GALNT18: variants seen among roughly 807,000 people sequenced by gnomAD.
The protein encoded by GALNT18 is GalNAc-transferase 18.
A neutral mutation model predicts 69.5 loss-of-function variants in GALNT18; 44 were observed. The ratio of observed to expected loss-of-function variants is 0.63; its 90% CI spans 0.50 to 0.81. GALNT18 has a LOEUF of 0.81. Ranked by LOEUF, GALNT18 falls within the 40% of genes least tolerant of loss-of-function variation. The pLI, the probability that GALNT18 is intolerant of heterozygous loss-of-function variation, is 0.00. For missense variants in GALNT18, 715 were observed against 810.0 expected (o/e 0.88, Z 1.42); for synonymous variants, 364 against 318.2 (o/e 1.14, Z -1.53).
rs1858303999 is a variant in GALNT18, at chr11:11,555,298, T to C, written c.235+66061A>G. ...TGCAGGGTTCTCTGTTTTCAGGAGA[T>C]CTAGCTAGAGAGCATTTTCCTGACA... On this transcript the variant is annotated intron_variant, in intron 1 of 10. Coordinates refer to ENST00000227756, the MANE Select transcript of GALNT18 (RefSeq NM_198516.3). The surrounding 1 kb of genome is among the most constrained non-coding windows in gnomAD (Gnocchi z 4.7). Among the ~76,000 whole-genome samples the C allele has an allele frequency of 6.6e-6, 1 of 152,134 alleles. No homozygotes were observed. Among genetic ancestry groups the C allele is most frequent in the African/African-American group, 2.4e-5 (1 of 41,426 alleles).
chr11:11,307,532 G>A (rs1465135446), intron 9 of GALNT18, among the ~76,000 whole-genome samples: 1 of 152,158 alleles, frequency 6.6e-6, no homozygotes, highest in Non-Finnish European at 1.5e-5. Context: ...AAAACTGGCA[G>A]AGCTGGGATC....
At chr11:11,536,205 T>G (rs1317759114) in intron 1 of GALNT18, among the ~76,000 whole-genome samples, 1 of 152,168 alleles carries the variant, frequency 6.6e-6, no homozygotes, top group Non-Finnish European at 1.5e-5. Context: ...AATAAAATAT[T>G]TCATTTATTG....
intron 5 of GALNT18, among the ~76,000 whole-genome samples, chr11:11,376,979 G>T (rs1451849835): frequency 6.6e-6 from 1 of 152,158 alleles, no homozygotes; most frequent in Non-Finnish European, 1.5e-5. Flanking sequence ...TGTGAAAATG[G>T]GTCACTTTGA....
rs941863532 is a variant in GALNT18, at chr11:11,341,706, A to G, written c.1093-702T>C. Among the ~76,000 whole-genome samples, 3 of 152,166 alleles carry G rather than the reference A, an allele frequency of 2.0e-5. No individual in the cohort carries two copies. The highest frequency in any genetic ancestry group is 1.9e-4 in the East Asian group (1 of 5,188). ...CGCTACAATCTTTCCAGCCATCCTG[A>G]CCTTTCAATGTTCCTGAACTTGCAC... On this transcript the variant is annotated intron_variant, in intron 6 of 10. Coordinates refer to ENST00000227756, the MANE Select transcript of GALNT18 (RefSeq NM_198516.3). This position sits in a 1 kb window ranked among gnomAD's most constrained non-coding sequence, Gnocchi z 6.3.
chr11:11,296,820 A>G (rs1366633448), intron 9 of GALNT18, among the ~76,000 whole-genome samples: 1 of 152,238 alleles, frequency 6.6e-6, no homozygotes, highest in Non-Finnish European at 1.5e-5. Context: ...CAAGGCTGGC[A>G]GATCACAGAG....
At chr11:11,507,652 G>C (rs1033814363) in intron 1 of GALNT18, among the ~76,000 whole-genome samples, 5 of 152,104 alleles carry the variant, frequency 3.3e-5, no homozygotes, top group Admixed American at 2.6e-4. Flanking sequence ...GGAGTATCCT[G>C]CTCCACCTCT....
intron 1 of GALNT18, among the ~76,000 whole-genome samples, chr11:11,536,991 C>T (rs751788135): frequency 6.6e-6 from 1 of 152,230 alleles, no homozygotes; most frequent in Non-Finnish European, 1.5e-5. Context: ...GGCCATCTCA[C>T]GCAGTTACAT....
intron 1 of GALNT18, among the ~76,000 whole-genome samples, chr11:11,554,631 A>T (rs1223284905): frequency 1.3e-5 from 2 of 152,144 alleles, no homozygotes; most frequent in African/African-American, 4.8e-5. Context: ...CAGATTTTCA[A>T]ATGTATTTGT....
chr11:11,579,883 G>C (rs1169722149), intron 1 of GALNT18, among the ~76,000 whole-genome samples: 1 of 152,150 alleles, frequency 6.6e-6, no homozygotes, highest in Non-Finnish European at 1.5e-5. Context: ...ACATTCTGTA[G>C]TCAACCTCTG....
chr11:11,293,533 C>CTTTTTTTTTTTTTTTTTT (rs34166465), intron 9 of GALNT18, among the ~76,000 whole-genome samples: 1 of 80,214 alleles, frequency 1.2e-5, no homozygotes, highest in African/African-American at 5.0e-5. Flanking sequence ...ACAAACCCCT[C>CTTTTTTTTTTTTTTTTTT]TTTTTTTTTT....
At position 11,601,919 on chromosome 11, in the gene GALNT18, TAGG is replaced by T. The variant is rs112227507; in HGVS notation, c.235+19437_235+19439del. On this transcript the variant is annotated intron_variant, in intron 1 of 10. Transcript: ENST00000227756. The surrounding 1 kb of genome is among the most constrained non-coding windows in gnomAD (Gnocchi z 4.0). ...CCTATCAACAGCATTACTGTGTTGATAGGAGAACTTACTGTGCTAGGTCGTCTA... is the reference window on the plus strand; with the variant it reads ...CCTATCAACAGCATTACTGTGTTGATAGAACTTACTGTGCTAGGTCGTCTA... 5.9e-5 allele frequency among the ~76,000 whole-genome samples: 9 copies of T among 152,238 alleles called. No homozygotes were observed. Among genetic ancestry groups the T allele is most frequent in the African/African-American group, 2.2e-4 (9 of 41,472 alleles).
chr11:11,560,152 G>A (rs1858463128), intron 1 of GALNT18, among the ~76,000 whole-genome samples: 1 of 148,348 alleles, frequency 6.7e-6, no homozygotes. Context: ...AATGGGATAT[G>A]ATGGGATGTA....
chr11:11,522,405 A>G (rs761009688), intron 1 of GALNT18, among the ~76,000 whole-genome samples: 5 of 152,168 alleles, frequency 3.3e-5, no homozygotes, highest in Non-Finnish European at 5.9e-5. Context: ...TCCTCCCATC[A>G]GAGGGAAGGA....
intron 10 of GALNT18, among the ~76,000 whole-genome samples, chr11:11,290,838 C>T (rs1849284378): frequency 6.6e-6 from 1 of 152,108 alleles, no homozygotes; most frequent in South Asian, 2.1e-4. Context: ...TCCCTTGTGA[C>T]CTCCATAGAC....
intron 3 of GALNT18, among the ~76,000 whole-genome samples, chr11:11,380,183 C>T (rs983657869): frequency 6.6e-6 from 1 of 152,220 alleles, no homozygotes; most frequent in Non-Finnish European, 1.5e-5. Context: ...AGATGTTCTT[C>T]CTTCTTCTGA....
intron 3 of GALNT18, among the ~76,000 whole-genome samples, chr11:11,403,836 T>C (rs1265494700): frequency 6.6e-6 from 1 of 152,216 alleles, no homozygotes; most frequent in Non-Finnish European, 1.5e-5. Context: ...TAGGACACAG[T>C]GCTCCGTGAT....
chr11:11,302,539 C>T (rs1849515515), intron 9 of GALNT18, among the ~76,000 whole-genome samples: 2 of 152,132 alleles, frequency 1.3e-5, no homozygotes, highest in Non-Finnish European at 2.9e-5. Flanking sequence ...AGCAAAGTGC[C>T]TTGACACAGA....
Position 11,372,928 on chromosome 11 carries a change from T to C in GALNT18, c.978-299A>G, listed in dbSNP as rs1489600500. Among the ~76,000 whole-genome samples, 1 of 152,134 alleles carries C rather than the reference T, an allele frequency of 6.6e-6. No individual in the cohort carries two copies. Among genetic ancestry groups the C allele is most frequent in the Non-Finnish European group, 1.5e-5 (1 of 68,034 alleles). On this transcript the variant is annotated intron_variant, in intron 5 of 10. Coordinates refer to ENST00000227756, the MANE Select transcript of GALNT18 (RefSeq NM_198516.3). This position sits in a 1 kb window ranked among gnomAD's most constrained non-coding sequence, Gnocchi z 4.9. ...TCAGCCTGCCAGTCTAGGTTGACTG[T>C]ATCTCCCGCTGCCCTGACCCTGACC...
intron 3 of GALNT18, among the ~76,000 whole-genome samples, chr11:11,395,913 T>A (rs1343537401): frequency 6.6e-6 from 1 of 151,654 alleles, no homozygotes; most frequent in Non-Finnish European, 1.5e-5. Flanking sequence ...GTCAACTAAT[T>A]AAAAAGAGAC....
Sources: allele counts gnomAD v4.1 joint callset (sites outside exome capture counted in the v4.1 genomes callset), GRCh38; gene constraint gnomAD v4.1.1; non-coding constraint Gnocchi (gnomAD v3.1); transcripts MANE v1.5; gene names NCBI Gene and HGNC (gene_info 2026-07-23, HGNC 2026-07-21).